The following TMEM132D variants were observed in gnomAD, a reference collection of about 807,000 sequenced individuals.
TMEM132D encodes the protein transmembrane protein 132D.
TMEM132D carries 21 observed loss-of-function variants against 62.3 expected under a neutral mutation model. The observed-to-expected ratio is 0.34, with a 90% CI of 0.24 to 0.49. The LOEUF (loss-of-function observed/expected upper bound fraction) is 0.49, where lower values mean the gene tolerates loss of function less well. TMEM132D is among the 20% of genes least tolerant of loss of function. The pLI, the probability that TMEM132D is intolerant of heterozygous loss-of-function variation, is 0.99. For missense variants in TMEM132D, 1,346 were observed against 1,402.8 expected, an observed-to-expected ratio of 0.96 and a Z score of 0.65; for synonymous variants, 621 against 575.6, an observed-to-expected ratio of 1.08 and a Z score of -1.13.
chr12:129,209,594 C>A lies in TMEM132D; in HGVS notation c.1369G>T (p.Val457Leu). Residue 457 changes from valine (V) to leucine (L), a missense_variant, in exon 5 of 9, where the codon GTG becomes TTG. Transcript: ENST00000422113. ...TVAVPVKVVS[V>L]EDDGTVTELL... ...TCTGTCACTGTGCCGTCGTCCTCCA[C>A]GGAGACCACTTTCACCGGGACGGCC... The A allele has an allele frequency of 6.2e-7, 1 of 1,614,220 alleles. No individual in the cohort carries two copies. Among genetic ancestry groups the A allele is most frequent in the South Asian group, 1.1e-5 (1 of 91,086 alleles).
intron 3 of TMEM132D, among the ~76,000 whole-genome samples, chr12:129,517,152 GGTGGGA>G (rs1267889077): frequency 6.6e-6 from 1 of 152,212 alleles, no homozygotes. Context: ...TGAGGGTGAG[GGTGGGA>G]GTGGGAGTGG....
At chr12:129,670,324 G>A (rs1294616946) in intron 2 of TMEM132D, among the ~76,000 whole-genome samples, 2 of 152,156 alleles carry the variant, frequency 1.3e-5, no homozygotes, top group Non-Finnish European at 2.9e-5. Flanking sequence ...TTAGTCACAA[G>A]ATTAGAAATT....
chr12:129,131,744 C>T (rs1876380234), intron 5 of TMEM132D, among the ~76,000 whole-genome samples: 1 of 152,174 alleles, frequency 6.6e-6, no homozygotes, highest in Non-Finnish European at 1.5e-5. Flanking sequence ...CAGATGATGT[C>T]ACACTTAAAT....
At chr12:129,075,186 G>A in intron 8 of TMEM132D, 127 bp from the exon 9 acceptor site, 1 of 741,778 alleles carries the variant, frequency 1.3e-6, no homozygotes, top group Middle Eastern at 2.9e-4. Context: ...TTCAAACAGT[G>A]TAGAAATAAG....
chr12:129,086,745 T>C (rs1216928969), intron 5 of TMEM132D, among the ~76,000 whole-genome samples: 2 of 149,450 alleles, frequency 1.3e-5, no homozygotes, highest in African/African-American at 4.9e-5. Flanking sequence ...TATAGCATTA[T>C]ATACATTGTA....
At position 129,144,900 on chromosome 12, in the gene TMEM132D, C is replaced by CTCTATCTATCTATCTATCTA. The variant is rs35319395; in HGVS notation, c.1444-60218_1444-60199dup. On this transcript the variant is annotated intron_variant, in intron 5 of 8. Coordinates refer to ENST00000422113, the MANE Select transcript of TMEM132D (RefSeq NM_133448.3). ...TACCATTCACCTATTATCTATCCTG[C>CTCTATCTATCTATCTATCTA]TCTATCTATCTATCTATCTATCTAT... 4.6e-3 allele frequency among the ~76,000 whole-genome samples: 694 copies of CTCTATCTATCTATCTATCTA among 150,966 alleles called. 4 individuals are homozygous for CTCTATCTATCTATCTATCTA. The highest frequency in any genetic ancestry group is 0.016 in the African/African-American group (657 of 41,084).
intron 1 of TMEM132D, among the ~76,000 whole-genome samples, chr12:129,773,221 C>T (rs1210596009): frequency 6.6e-6 from 1 of 152,188 alleles, no homozygotes; most frequent in African/African-American, 2.4e-5. Context: ...CGACATCGTG[C>T]GCCTCCTGTA....
intron 3 of TMEM132D, among the ~76,000 whole-genome samples, chr12:129,503,000 T>C (rs995233806): frequency 5.3e-4 from 81 of 152,320 alleles, no homozygotes; most frequent in African/African-American, 1.8e-3. Context: ...GCTATATCTC[T>C]GGTATCTGCA....
chr12:129,138,132 G>T (rs1876639457), intron 5 of TMEM132D, among the ~76,000 whole-genome samples: 1 of 152,078 alleles, frequency 6.6e-6, no homozygotes, highest in Non-Finnish European at 1.5e-5. Flanking sequence ...TACCCTCCCA[G>T]GGTAAAGAAG....
intron 3 of TMEM132D, among the ~76,000 whole-genome samples, chr12:129,355,645 C>T (rs1367975011): frequency 6.6e-6 from 1 of 152,134 alleles, no homozygotes; most frequent in Non-Finnish European, 1.5e-5. Context: ...TATTTTTAGG[C>T]AGCAAATTAT....
chr12:129,488,522 A>C, intron 3 of TMEM132D, among the ~76,000 whole-genome samples: 1 of 152,136 alleles, frequency 6.6e-6, no homozygotes, highest in African/African-American at 2.4e-5. Flanking sequence ...AAAATACAAA[A>C]AAATAGCTGG....
At chr12:129,525,259 AATAT>A (rs2137084683) in intron 3 of TMEM132D, among the ~76,000 whole-genome samples, 1 of 79,338 alleles carries the variant, frequency 1.3e-5, no homozygotes, top group African/African-American at 4.3e-5. Context: ...TTTTTTTGCT[AATAT>A]AATTAATAGA....
intron 4 of TMEM132D, among the ~76,000 whole-genome samples, chr12:129,273,523 C>T (rs919257722): frequency 1.3e-5 from 2 of 151,368 alleles, no homozygotes; most frequent in Non-Finnish European, 1.5e-5. Flanking sequence ...ACCTAGGTGC[C>T]CAGCCATGGT....
At chr12:129,713,663 T>C (rs1233071703) in intron 1 of TMEM132D, among the ~76,000 whole-genome samples, 1 of 152,182 alleles carries the variant, frequency 6.6e-6, no homozygotes, top group Non-Finnish European at 1.5e-5. Context: ...GAGGCAGGTG[T>C]GTGAGTCCCA....
chr12:129,424,229 T>C (rs1566064192), intron 3 of TMEM132D, among the ~76,000 whole-genome samples: 3 of 151,612 alleles, frequency 2.0e-5, no homozygotes, highest in Non-Finnish European at 1.5e-5. Context: ...CTATGACAAA[T>C]ATCGCATGAG....
intron 3 of TMEM132D, among the ~76,000 whole-genome samples, chr12:129,515,361 T>TAAATGAATGAAC (rs1025867545): frequency 2.0e-5 from 3 of 152,118 alleles, no homozygotes; most frequent in Non-Finnish European, 4.4e-5. Context: ...TATGAATAGA[T>TAAATGAATGAAC]AAATGAATGA....
chr12:129,466,710 T>C (rs1170513312), intron 3 of TMEM132D, among the ~76,000 whole-genome samples: 1 of 152,208 alleles, frequency 6.6e-6, no homozygotes, highest in Non-Finnish European at 1.5e-5. Flanking sequence ...CTTCTGACTA[T>C]GATGAATGAC....
chr12:129,218,178 T>C (rs1879260990), intron 4 of TMEM132D, among the ~76,000 whole-genome samples: 1 of 152,238 alleles, frequency 6.6e-6, no homozygotes, highest in African/African-American at 2.4e-5. Flanking sequence ...TTTGTCCAGC[T>C]TTTAAATTCA....
rs547281988 is a variant in TMEM132D, at chr12:129,610,516, C to A, written c.969-79311G>T. On this transcript the variant is annotated intron_variant, in intron 2 of 8. Transcript: ENST00000422113. ...ACTTCCATAAAGCATTAAAACAACT[C>A]AAAATACTGGAGTTTCTTTTTCTAG... 4.6e-5 allele frequency among the ~76,000 whole-genome samples: 7 copies of A among 152,216 alleles called. No homozygotes were observed. In the East Asian group the frequency reaches 1.4e-3, roughly 29 times the overall value.
Sources: gnomAD v4.1 joint callset for allele counts (sites outside exome capture counted in the v4.1 genomes callset) on GRCh38, gnomAD v4.1.1 for gene constraint, MANE v1.5 for transcripts, NCBI Gene and HGNC (gene_info 2026-07-23, HGNC 2026-07-21) for gene names.